The following CNTN5 variants were observed in gnomAD, a reference collection of about 807,000 sequenced individuals.
CNTN5 encodes the protein contactin-5.
CNTN5 carries 77 observed loss-of-function variants against 129.1 expected under a neutral mutation model. The ratio of observed to expected loss-of-function variants is 0.60; its 90% confidence interval spans 0.50 to 0.72. The LOEUF (loss-of-function observed/expected upper bound fraction) is 0.72. Ranked by LOEUF, CNTN5 falls within the 30% of genes least tolerant of loss-of-function variation. The pLI is 0.00. For missense variants in CNTN5, 1,478 were observed against 1,328.8 expected (o/e 1.11, Z -1.75); for synonymous variants, 509 against 465.6 (o/e 1.09, Z -1.20).
chr11:99,873,970 C>A (rs1948570202), intron 6 of CNTN5, among the ~76,000 whole-genome samples: 1 of 152,026 alleles, frequency 6.6e-6, no homozygotes, highest in African/African-American at 2.4e-5. Context: ...AGTAGCAAAT[C>A]AAATATTGCA....
At chr11:99,468,470 T>C (rs1358677934) in intron 2 of CNTN5, among the ~76,000 whole-genome samples, 1 of 152,160 alleles carries the variant, frequency 6.6e-6, no homozygotes, top group Admixed American at 6.6e-5. Flanking sequence ...ACAATCCCTG[T>C]TGTACTTCAA....
At chr11:99,876,001 T>A (rs976939283) in intron 6 of CNTN5, among the ~76,000 whole-genome samples, 4 of 152,092 alleles carry the variant, frequency 2.6e-5, no homozygotes, top group African/African-American at 9.7e-5. Context: ...AGGCTGGACA[T>A]TGATAATTTA....
chr11:99,799,248 C>T (rs992326988), intron 3 of CNTN5, among the ~76,000 whole-genome samples: 2 of 151,462 alleles, frequency 1.3e-5, no homozygotes, highest in Admixed American at 6.6e-5. Context: ...TTTCTTCCTT[C>T]TGCTTGATTA....
At position 99,440,871 on chromosome 11, in the gene CNTN5, CTG is replaced by C. The variant is rs1456338120; in HGVS notation, c.-70-115268_-70-115267del. ...AAGGGAAGCTGGGATACGTAATTAG[CTG>C]TGTGTTCAGTAAGAAGAGCACACTA... On this transcript the variant is annotated intron_variant, in intron 2 of 24. Transcript: ENST00000524871. Among the ~76,000 whole-genome samples, 5 of 152,332 alleles carry C rather than the reference CTG, an allele frequency of 3.3e-5. No homozygotes were observed. The East Asian group carries it at 9.7e-4, about 29-fold the overall frequency.
chr11:99,655,935 T>A (rs1302547918), intron 3 of CNTN5, among the ~76,000 whole-genome samples: 3 of 151,974 alleles, frequency 2.0e-5, no homozygotes, highest in African/African-American at 7.2e-5. Context: ...TACAAATATA[T>A]ACACACACGT....
chr11:99,325,635 C>T (rs1051682177), intron 2 of CNTN5, among the ~76,000 whole-genome samples, 151 bp downstream of exon 2: 3 of 152,126 alleles, frequency 2.0e-5, no homozygotes, highest in South Asian at 2.1e-4. Flanking sequence ...AGTGATTTGT[C>T]TTTGAATTGA....
intron 1 of CNTN5, among the ~76,000 whole-genome samples, chr11:99,095,800 G>A (rs899573514): frequency 2.6e-5 from 4 of 151,800 alleles, no homozygotes; most frequent in Non-Finnish European, 2.9e-5. Context: ...TTTGTGAGCA[G>A]TCAGGAGCCA....
chr11:99,072,483 A>C (rs956644807), intron 1 of CNTN5, among the ~76,000 whole-genome samples: 1 of 152,078 alleles, frequency 6.6e-6, no homozygotes, highest in Non-Finnish European at 1.5e-5. Flanking sequence ...AATTTGAAGG[A>C]CATAATACAT....
intron 6 of CNTN5, among the ~76,000 whole-genome samples, chr11:99,881,188 T>G (rs1948762300): frequency 6.6e-6 from 1 of 152,194 alleles, no homozygotes; most frequent in Middle Eastern, 3.2e-3. Context: ...GCAGGCAGTC[T>G]AGGAACAAGA....
chr11:99,996,157 C>A (rs1304876203), intron 8 of CNTN5, among the ~76,000 whole-genome samples: 4 of 152,120 alleles, frequency 2.6e-5, no homozygotes, highest in African/African-American at 9.7e-5. Flanking sequence ...ATTCCTGTAC[C>A]TCATTGTCTG....
chr11:99,025,888 G>A (rs1209977963), intron 1 of CNTN5, among the ~76,000 whole-genome samples: 5 of 151,418 alleles, frequency 3.3e-5, no homozygotes, highest in East Asian at 1.9e-4. Flanking sequence ...GAAATTAAAC[G>A]AAATATAAAG....
At chr11:99,890,120 G>A (rs1254904312) in intron 6 of CNTN5, among the ~76,000 whole-genome samples, 2 of 151,962 alleles carry the variant, frequency 1.3e-5, no homozygotes, top group East Asian at 3.9e-4. Flanking sequence ...CCCTCAATGG[G>A]CAATATATTT....
chr11:99,674,456 G>C (rs1406946770), intron 3 of CNTN5, among the ~76,000 whole-genome samples: 2 of 152,068 alleles, frequency 1.3e-5, no homozygotes, highest in Non-Finnish European at 2.9e-5. Context: ...CTTTGCTTTA[G>C]TTAGATCTAT....
intron 7 of CNTN5, among the ~76,000 whole-genome samples, chr11:99,937,790 T>G (rs1950348150): frequency 6.6e-6 from 1 of 152,150 alleles, no homozygotes; most frequent in African/African-American, 2.4e-5. Flanking sequence ...GCTTCTCCAG[T>G]GGAAAACCGA....
intron 24 of CNTN5, among the ~76,000 whole-genome samples, chr11:100,351,375 T>C (rs1952407866): frequency 6.6e-6 from 1 of 151,560 alleles, no homozygotes; most frequent in Non-Finnish European, 1.5e-5. Flanking sequence ...ACCCTTATTA[T>C]ATGTCAGGCA....
chr11:99,458,797 A>C (rs186374893), intron 2 of CNTN5, among the ~76,000 whole-genome samples: 2 of 152,128 alleles, frequency 1.3e-5, no homozygotes, highest in African/African-American at 4.8e-5. Context: ...AACTGAGCAA[A>C]TAAAGTTTGA....
chr11:99,191,107 T>C (rs2135592020), intron 1 of CNTN5, among the ~76,000 whole-genome samples: 1 of 151,974 alleles, frequency 6.6e-6, no homozygotes, highest in South Asian at 2.1e-4. Flanking sequence ...AACATATCTT[T>C]TTGTTTCTTC....
At chr11:99,730,062 G>A (rs7483625) in intron 3 of CNTN5, among the ~76,000 whole-genome samples, 94,882 of 151,976 alleles carry the variant, frequency 0.62, 30,289 homozygotes, top group East Asian at 0.84. Flanking sequence ...AGTAAAAGTT[G>A]AATTTAATTA....
intron 3 of CNTN5, among the ~76,000 whole-genome samples, chr11:99,572,334 A>C (rs1045346820): frequency 6.6e-6 from 1 of 152,224 alleles, no homozygotes; most frequent in African/African-American, 2.4e-5. Flanking sequence ...GAAAATTTAC[A>C]AATTTATGTT....
Sources: gnomAD v4.1 joint callset for allele counts (sites outside exome capture counted in the v4.1 genomes callset) on GRCh38, gnomAD v4.1.1 for gene constraint, MANE v1.5 for transcripts, NCBI Gene and HGNC (gene_info 2026-07-23, HGNC 2026-07-21) for gene names.